PKN2: variants seen among roughly 807,000 people sequenced by gnomAD.
PKN2 encodes the protein protein kinase N2.
PKN2 carries 38 observed loss-of-function variants against 119.1 expected under a neutral mutation model. The ratio of observed to expected loss-of-function variants is 0.32; its 90% CI spans 0.25 to 0.42. The LOEUF is 0.42. Ranked by LOEUF, PKN2 falls within the 10% of genes least tolerant of loss-of-function variation. PKN2 has a pLI of 1.00. For synonymous variants in PKN2, 390 were observed against 384.9 expected (o/e 1.01, Z -0.15); for missense variants, 850 against 1,165.1 (o/e 0.73, Z 3.94).
chr1:88,753,112 T>G (rs1286726361), intron 2 of PKN2, among the ~76,000 whole-genome samples: 5 of 152,208 alleles, frequency 3.3e-5, no homozygotes, highest in African/African-American at 1.2e-4. Context: ...TTCGAACTCC[T>G]TAGAATGCTT....
At position 88,835,165 on chromosome 1, in the gene PKN2, T is replaced by G. The variant is rs1376773097; in HGVS notation, c.*1717T>G. 1.3e-5 allele frequency: 2 copies of G among 152,156 alleles called. No homozygotes were observed. Among genetic ancestry groups the G allele is most frequent in the Non-Finnish European group, 2.9e-5 (2 of 67,910 alleles). The allele number at this position is 152,156 out of a possible 1,614,324, so 9.4% of individuals were successfully genotyped here. On this transcript the variant is annotated 3_prime_UTR_variant, in exon 22 of 22. Coordinates refer to ENST00000370521, the MANE Select transcript of PKN2 (RefSeq NM_006256.4). ...AGATCATTTATATTACCTTCCAAAT[T>G]GTTTATTACCCAAGATCCTTTGGGA...
chr1:88,732,362 T>A (rs1668173968), intron 1 of PKN2, among the ~76,000 whole-genome samples: 2 of 152,190 alleles, frequency 1.3e-5, no homozygotes, highest in Non-Finnish European at 2.9e-5. Flanking sequence ...TTTCCCTCTA[T>A]TTTTAAAGTT....
At chr1:88,749,978 A>G (rs1668922563) in intron 2 of PKN2, among the ~76,000 whole-genome samples, 1 of 152,214 alleles carries the variant, frequency 6.6e-6, no homozygotes, top group Non-Finnish European at 1.5e-5. Flanking sequence ...TAAAGACCAA[A>G]GGTTATATCA....
intron 1 of PKN2, among the ~76,000 whole-genome samples, chr1:88,701,372 T>G (rs1026422605): frequency 1.3e-5 from 2 of 152,214 alleles, no homozygotes; most frequent in Non-Finnish European, 2.9e-5. Context: ...AGAGCTATAC[T>G]TTTATTAAGC....
At chr1:88,767,341 C>T (rs528054017) in intron 3 of PKN2, among the ~76,000 whole-genome samples, 2 of 152,268 alleles carry the variant, frequency 1.3e-5, no homozygotes, top group East Asian at 3.9e-4. Flanking sequence ...AATCTGACTG[C>T]AAAATACATT....
intron 1 of PKN2, among the ~76,000 whole-genome samples, chr1:88,707,883 A>G (rs1463524029): frequency 1.3e-5 from 2 of 152,138 alleles, no homozygotes; most frequent in African/African-American, 4.8e-5. Context: ...ATAATGGTGA[A>G]AGTAATCCAT....
chr1:88,766,850 TC>T (rs1369653224), intron 3 of PKN2, among the ~76,000 whole-genome samples: 1 of 152,160 alleles, frequency 6.6e-6, no homozygotes, highest in Admixed American at 6.5e-5. Flanking sequence ...ATATCCAAAA[TC>T]CATTTTAAAA....
Position 88,771,449 on chromosome 1 carries a change from T to C in PKN2, c.651T>C (p.Leu217=), listed in dbSNP as rs1202854067. The change falls in exon 5 of 22, where the codon CTT becomes CTC. Residue 217 remains leucine, a synonymous_variant. Coordinates refer to ENST00000370521, the MANE Select transcript of PKN2 (RefSeq NM_006256.4). The stretch of plus-strand genomic sequence containing the variant: ...AACCTGTGATAAGTCCTCTTGAACT[T>C]CGGATGGAAGAATTAAGGCATCATT... ...NAKPVISPLE[L]RMEELRHHFR... 1.2e-6 allele frequency: 2 copies of C among 1,605,382 alleles called. No individual in the cohort carries two copies. The highest frequency in any genetic ancestry group is 4.5e-5 in the East Asian group (2 of 44,564).
chr1:88,804,922 G>T lies in PKN2; in HGVS notation c.1501+1G>T. On this transcript the variant is annotated splice_donor_variant, in intron 10 of 21. Transcript: ENST00000370521. LOFTEE classifies it high-confidence loss of function. ...AAGAAAATTTTTTCAAAGCAACAAGGTAATTACTAACAATCAAATGCATAG... is the reference window on the plus strand; with the variant it reads ...AAGAAAATTTTTTCAAAGCAACAAGTTAATTACTAACAATCAAATGCATAG... The T allele has an allele frequency of 7.2e-7, 1 of 1,390,302 alleles. No individual in the cohort carries two copies. The highest frequency in any genetic ancestry group is 1.0e-6 in the Non-Finnish European group (1 of 989,574). The allele number at this position is 1,390,302 out of a possible 1,614,324, so 86.1% of individuals were successfully genotyped here. A position where few individuals can be genotyped will look rare whatever the true frequency, so the allele number is the denominator to read the frequency against.
chr1:88,745,203 C>A lies in PKN2; in HGVS notation c.349+3915C>A, dbSNP rs546526209. On this transcript the variant is annotated intron_variant, in intron 2 of 21. Coordinates refer to ENST00000370521, the MANE Select transcript of PKN2 (RefSeq NM_006256.4). ...AAAGCTTTTCTTTTAAGATCAGGAA[C>A]AAGATCAGGATGCTCACTCTCAACA... 1.3e-5 allele frequency among the ~76,000 whole-genome samples: 2 copies of A among 152,178 alleles called. 1 individual carries two copies. Among genetic ancestry groups the A allele is most frequent in the African/African-American group, 4.8e-5 (2 of 41,440 alleles).
intron 1 of PKN2, among the ~76,000 whole-genome samples, chr1:88,725,805 C>G (rs529741012): frequency 6.6e-6 from 1 of 152,004 alleles, no homozygotes; most frequent in African/African-American, 2.4e-5. Flanking sequence ...TTCACTTAAC[C>G]CCAGGTTATG....
chr1:88,784,831 T>C lies in PKN2; in HGVS notation c.1171+7T>C. 1 of 1,563,476 alleles carries C rather than the reference T, an allele frequency of 6.4e-7. No individual in the cohort carries two copies. Among genetic ancestry groups the C allele is most frequent in the Non-Finnish European group, 8.7e-7 (1 of 1,149,966 alleles). ...AAAACCGATGACTTGTCCAGTTCAG[T>C]AACCAGATTTTTAAAAATCATGTAA... On this transcript the variant is annotated splice_region_variant and intron_variant, in intron 7 of 21. Coordinates refer to ENST00000370521, the MANE Select transcript of PKN2 (RefSeq NM_006256.4).
At chr1:88,820,527 C>T (rs1672234157) in intron 16 of PKN2, among the ~76,000 whole-genome samples, 2 of 148,240 alleles carry the variant, frequency 1.3e-5, no homozygotes, top group Non-Finnish European at 1.5e-5. Context: ...GAGCAAAACT[C>T]CATCTCAAAA....
intron 16 of PKN2, among the ~76,000 whole-genome samples, chr1:88,819,231 A>G (rs962401045): frequency 2.0e-5 from 3 of 152,188 alleles, no homozygotes; most frequent in African/African-American, 7.2e-5. Context: ...CGTCAGAGTG[A>G]ACAGGCAACC....
chr1:88,684,546 G>A lies in PKN2; in HGVS notation c.-35G>A. On this transcript the variant is annotated 5_prime_UTR_variant, in exon 1 of 22. Coordinates refer to ENST00000370521, the MANE Select transcript of PKN2 (RefSeq NM_006256.4). ...CCGCCTTCTCCCTTCGCCAGAGGCG[G>A]CCGCGTCCAGGTGCGGAGTCCATAC... 1 of 1,533,660 alleles carries A rather than the reference G, an allele frequency of 6.5e-7. No individual in the cohort carries two copies. The highest frequency in any genetic ancestry group is 8.8e-7 in the Non-Finnish European group (1 of 1,139,818).
chr1:88,796,187 AT>A (rs1671057152), intron 8 of PKN2, among the ~76,000 whole-genome samples: 1 of 152,122 alleles, frequency 6.6e-6, no homozygotes, highest in Non-Finnish European at 1.5e-5. Context: ...GAATCTTTGC[AT>A]TTAAAAATGC....
intron 1 of PKN2, among the ~76,000 whole-genome samples, chr1:88,735,606 C>G (rs1186926018): frequency 1.2e-4 from 1 of 8,166 alleles, no homozygotes; most frequent in Non-Finnish European, 2.3e-4. Context: ...CAGCCCACCC[C>G]CCCCCCCCCC....
chr1:88,770,493 T>C (rs757170933), intron 4 of PKN2, 24 bp downstream of exon 4: 13 of 1,209,366 alleles, frequency 1.1e-5, no homozygotes, highest in East Asian at 2.3e-5. Context: ...TTGTCCTCCT[T>C]CTTATGAGCA....
intron 2 of PKN2, among the ~76,000 whole-genome samples, chr1:88,753,483 C>G (rs1370833854): frequency 1.3e-5 from 2 of 151,984 alleles, no homozygotes; most frequent in Non-Finnish European, 2.9e-5. Context: ...AGTCTATTCT[C>G]GCACTGCTGT....
Sources: gnomAD v4.1 joint callset for allele counts (sites outside exome capture counted in the v4.1 genomes callset) on GRCh38, gnomAD v4.1.1 for gene constraint, MANE v1.5 for transcripts, NCBI Gene and HGNC (gene_info 2026-07-23, HGNC 2026-07-21) for gene names.